Variants in COG5 observed in about 807,000 individuals in gnomAD.
The protein encoded by COG5 is component of oligomeric golgi complex 5.
In COG5, 86 loss-of-function variants were observed where a neutral mutation model predicts 110.4. That is an observed-to-expected ratio of 0.78 (90% CI 0.65 to 0.93). The LOEUF (loss-of-function observed/expected upper bound fraction) is 0.93, where lower values mean the gene tolerates loss of function less well. COG5 is among the 40% of genes least tolerant of loss of function. The probability of loss-of-function intolerance (pLI) is 0.00; values close to 1 mark genes in which losing one functional copy is unlikely to be tolerated. For missense variants in COG5, 1,077 were observed against 987.0 expected (o/e 1.09, Z -1.22); for synonymous variants, 360 against 334.6 (o/e 1.08, Z -0.83).
intron 6 of COG5, among the ~76,000 whole-genome samples, chr7:107,429,618 C>T (rs993165689): frequency 1.1e-4 from 16 of 152,214 alleles, no homozygotes; most frequent in Admixed American, 3.3e-4. Flanking sequence ...TATGGTTTGG[C>T]TGTGTCCCTA....
At chr7:107,467,946 GT>G (rs554123693) in intron 6 of COG5, among the ~76,000 whole-genome samples, 1 of 152,024 alleles carries the variant, frequency 6.6e-6, no homozygotes, top group Non-Finnish European at 1.5e-5. Context: ...CCCAGATTTT[GT>G]TTTTTTGAAA....
intron 3 of COG5, among the ~76,000 whole-genome samples, chr7:107,550,891 GTT>G (rs75923322): frequency 7.1e-6 from 1 of 141,780 alleles, no homozygotes. Flanking sequence ...CTTGTACTTT[GTT>G]TTTTTTTTTT....
chr7:107,505,186 T>C (rs1798904156), intron 6 of COG5, among the ~76,000 whole-genome samples: 1 of 152,224 alleles, frequency 6.6e-6, no homozygotes, highest in African/African-American at 2.4e-5. Flanking sequence ...TTGAATATTT[T>C]AGGCTTCAGG....
intron 6 of COG5, among the ~76,000 whole-genome samples, chr7:107,433,578 G>A (rs1261172104): frequency 6.6e-6 from 1 of 152,124 alleles, no homozygotes; most frequent in Non-Finnish European, 1.5e-5. Context: ...ACAGGAAAAG[G>A]ACAGTGTTTT....
intron 14 of COG5, among the ~76,000 whole-genome samples, chr7:107,271,869 T>A (rs182001223): frequency 6.9e-4 from 105 of 152,308 alleles, no homozygotes; most frequent in African/African-American, 2.5e-3. Flanking sequence ...AATAAAAGTA[T>A]TCAATGATTT....
intron 11 of COG5, among the ~76,000 whole-genome samples, chr7:107,307,012 GCT>G (rs1807781254): frequency 6.6e-6 from 1 of 152,136 alleles, no homozygotes; most frequent in East Asian, 1.9e-4. Flanking sequence ...GCCTGAACAT[GCT>G]CTCTCATGAT....
At chr7:107,217,919 T>A (rs1799639268) in intron 19 of COG5, among the ~76,000 whole-genome samples, 1 of 151,812 alleles carries the variant, frequency 6.6e-6, no homozygotes, top group Non-Finnish European at 1.5e-5. Context: ...AAGAAAGACA[T>A]GAAATATTAC....
At chr7:107,475,577 G>A (rs1220761616) in intron 6 of COG5, 2 of 403,272 alleles carry the variant, frequency 5.0e-6, no homozygotes, top group Non-Finnish European at 9.2e-6. Context: ...ACTATCATGT[G>A]TATATTTTGT....
chr7:107,474,477 C>A lies in COG5; in HGVS notation c.538+52760G>T, dbSNP rs1175693129. 1 of 1,613,302 alleles carries A rather than the reference C, an allele frequency of 6.2e-7. No homozygotes were observed. The highest frequency in any genetic ancestry group is 1.7e-5 in the Admixed American group (1 of 59,912). On this transcript the variant is annotated intron_variant, in intron 6 of 21. Coordinates refer to ENST00000297135, the MANE Select transcript of COG5 (RefSeq NM_006348.5). The surrounding 1 kb of genome is among the most constrained non-coding windows in gnomAD (Gnocchi z 5.7). The stretch of plus-strand genomic sequence containing the variant: ...TCAACGTTTTTGCTATCACTTTGGA[C>A]AGATATGACATCTCTGTAAAACCTG...
chr7:107,380,104 C>G (rs1814983393), intron 7 of COG5, among the ~76,000 whole-genome samples: 1 of 152,158 alleles, frequency 6.6e-6, no homozygotes, highest in Admixed American at 6.5e-5. Context: ...AATTAGAACT[C>G]AGGATTGAGA....
intron 21 of COG5, chr7:107,209,085 C>A (rs1014694744): frequency 1.0e-6 from 1 of 985,410 alleles, no homozygotes; most frequent in South Asian, 4.7e-5. Context: ...TGGTTTAGAA[C>A]CACCTCATCA....
chr7:107,459,799 G>GAA (rs34383052), intron 6 of COG5, among the ~76,000 whole-genome samples: 5,564 of 145,042 alleles, frequency 0.038, 359 homozygotes, highest in African/African-American at 0.13. Flanking sequence ...CTGGCTCAGG[G>GAA]AAAAAAAAAA....
At chr7:107,311,804 A>G (rs146592406) in intron 11 of COG5, among the ~76,000 whole-genome samples, 162 of 151,290 alleles carry the variant, frequency 1.1e-3, no homozygotes, top group Non-Finnish European at 1.9e-3. Context: ...TTTTTTTTCT[A>G]TTTTGTCATT....
intron 5 of COG5, among the ~76,000 whole-genome samples, chr7:107,528,094 C>CTT (rs79007439): frequency 5.5e-5 from 8 of 144,218 alleles, no homozygotes; most frequent in African/African-American, 1.3e-4. Context: ...TTTTCCTAAT[C>CTT]TTTTTTTTTT....
At chr7:107,306,244 G>T (rs1439083596) in intron 11 of COG5, among the ~76,000 whole-genome samples, 1 of 152,056 alleles carries the variant, frequency 6.6e-6, no homozygotes, top group Admixed American at 6.6e-5. Context: ...ACTAAAAATA[G>T]TTCAGACATA....
intron 10 of COG5, among the ~76,000 whole-genome samples, chr7:107,359,849 GC>G (rs1812943630): frequency 6.6e-6 from 1 of 151,984 alleles, no homozygotes; most frequent in South Asian, 2.1e-4. Context: ...TGACCAGCTT[GC>G]AGATGGGACC....
intron 16 of COG5, among the ~76,000 whole-genome samples, chr7:107,250,096 G>A (rs1363499009): frequency 1.3e-5 from 2 of 152,046 alleles, no homozygotes; most frequent in Non-Finnish European, 2.9e-5. Context: ...TTAATGATTT[G>A]GATTTAGGAA....
intron 6 of COG5, among the ~76,000 whole-genome samples, chr7:107,480,553 T>G (rs1414616484): frequency 1.3e-5 from 2 of 152,044 alleles, no homozygotes; most frequent in African/African-American, 4.8e-5. Context: ...ACCTAAAATA[T>G]TCAAAGATGC....
intron 6 of COG5, among the ~76,000 whole-genome samples, chr7:107,473,354 G>A (rs1796754122): frequency 6.6e-6 from 1 of 151,864 alleles, no homozygotes; most frequent in African/African-American, 2.4e-5. Flanking sequence ...TTAGCATAAT[G>A]TCCCACTTCT....
Sources: allele counts gnomAD v4.1 joint callset (sites outside exome capture counted in the v4.1 genomes callset), GRCh38; gene constraint gnomAD v4.1.1; non-coding constraint Gnocchi (gnomAD v3.1); transcripts MANE v1.5; gene names NCBI Gene and HGNC (gene_info 2026-07-23, HGNC 2026-07-21).